The following SLC9A7 variants were observed in gnomAD, a reference collection of about 807,000 sequenced individuals.
The protein encoded by SLC9A7 is solute carrier family 9 member A7.
SLC9A7 carries 19 observed loss-of-function variants against 52.6 expected under a neutral mutation model. That is an observed-to-expected ratio of 0.36 (90% confidence interval 0.25 to 0.53). The LOEUF is 0.53. Ranked by LOEUF, SLC9A7 falls within the 20% of genes least tolerant of loss-of-function variation. The probability of loss-of-function intolerance (pLI) is 0.91; values close to 1 mark genes in which losing one functional copy is unlikely to be tolerated. For missense variants in SLC9A7, 455 were observed against 597.9 expected (o/e 0.76, Z 2.49); for synonymous variants, 226 against 252.1 (o/e 0.90, Z 0.98).
chrX:46,608,049 G>A (rs774366870), intron 16 of SLC9A7, among the ~76,000 whole-genome samples: 2 of 112,202 alleles, frequency 1.8e-5, no homozygotes, highest in Non-Finnish European at 3.8e-5. Flanking sequence ...CTGAAGTCCT[G>A]CATCCTCTTA....
intron 12 of SLC9A7, among the ~76,000 whole-genome samples, chrX:46,641,240 A>G (rs908304215): frequency 6.2e-5 from 7 of 112,272 alleles, no homozygotes; most frequent in African/African-American, 1.6e-4. Flanking sequence ...CTACTCTGCA[A>G]TAAAACAGAA....
At chrX:46,733,486 C>A (rs1305505113) in intron 1 of SLC9A7, among the ~76,000 whole-genome samples, 1 of 111,534 alleles carries the variant, frequency 9.0e-6, no homozygotes, top group Non-Finnish European at 1.9e-5. Context: ...TACATGTATA[C>A]CTTTTTCTCT....
chrX:46,622,354 A>T (rs1187642505), intron 14 of SLC9A7, among the ~76,000 whole-genome samples: 1 of 112,083 alleles, frequency 8.9e-6, no homozygotes, highest in Admixed American at 9.5e-5. Flanking sequence ...CTCTGGGAAG[A>T]TTCCAAAATG....
intron 1 of SLC9A7, among the ~76,000 whole-genome samples, chrX:46,705,329 A>G (rs1185078548): frequency 1.8e-5 from 2 of 112,632 alleles, no homozygotes; most frequent in East Asian, 5.6e-4. Flanking sequence ...GACTTTTAGA[A>G]GATACCATAG....
chrX:46,657,859 G>A (rs1239357893), intron 7 of SLC9A7, among the ~76,000 whole-genome samples: 2 of 104,139 alleles, frequency 1.9e-5, no homozygotes, highest in African/African-American at 7.0e-5. Context: ...ACTCAGCTCT[G>A]CACCAAGCGG....
chrX:46,734,010 T>C lies in SLC9A7; in HGVS notation c.325+24695A>G, dbSNP rs185767059. Among the ~76,000 whole-genome samples, 4 of 112,353 alleles carry C rather than the reference T, an allele frequency of 3.6e-5. No homozygotes were observed. In the East Asian group the frequency reaches 1.1e-3, roughly 31 times the overall value. ...TATGCTATCTAAAAGAGGCACATTTTAGATCAGGGCTTCTCAACCTTAGCA... is the reference window on the plus strand; with the variant it reads ...TATGCTATCTAAAAGAGGCACATTTCAGATCAGGGCTTCTCAACCTTAGCA... On this transcript the variant is annotated intron_variant, in intron 1 of 16. Transcript: ENST00000616978.
chrX:46,606,947 GA>G lies in SLC9A7; in HGVS notation c.*4del, dbSNP rs1942755383. The G allele has an allele frequency of 1.7e-6, 2 of 1,209,277 alleles. No homozygotes were observed. Among genetic ancestry groups the G allele is most frequent in the Admixed American group, 2.2e-5 (1 of 45,685 alleles). ...ACCCCATCGCGCCAGGGCTTGGGGG[GA>G]AAGTCAAGCATTATCTTCCAGGGGA... is the stretch of plus-strand genomic sequence containing the variant. On this transcript the variant is annotated 3_prime_UTR_variant, in exon 17 of 17. Transcript: ENST00000616978.
chrX:46,718,628 T>G (rs2146951785), intron 1 of SLC9A7, among the ~76,000 whole-genome samples: 1 of 111,968 alleles, frequency 8.9e-6, no homozygotes, highest in Non-Finnish European at 1.9e-5. Context: ...CATCAATAAG[T>G]GGGTGAAGGA....
intron 1 of SLC9A7, among the ~76,000 whole-genome samples, chrX:46,689,205 G>GTT (rs1944345544): frequency 8.9e-6 from 1 of 111,833 alleles, no homozygotes; most frequent in African/African-American, 3.2e-5. Context: ...GTTTTGTTTT[G>GTT]TTTTGTTTTT....
chrX:46,612,784 G>A (rs947148188), intron 16 of SLC9A7, among the ~76,000 whole-genome samples: 7 of 108,734 alleles, frequency 6.4e-5, no homozygotes, highest in East Asian at 5.7e-4. Context: ...AAATTAGCCC[G>A]GTGTGGTGGC....
intron 13 of SLC9A7, among the ~76,000 whole-genome samples, chrX:46,634,811 C>T (rs1943293233): frequency 8.9e-6 from 1 of 111,742 alleles, no homozygotes; most frequent in East Asian, 2.8e-4. Flanking sequence ...TCACCACTGC[C>T]CTCAAGGAAG....
intron 13 of SLC9A7, 95 bp from the exon 14 acceptor site, chrX:46,631,744 T>C: frequency 6.2e-6 from 4 of 648,062 alleles, no homozygotes; most frequent in Non-Finnish European, 9.9e-6. Flanking sequence ...TGGAGGCTAA[T>C]CATCTTCCCG....
chrX:46,744,199 T>C (rs371275497), intron 1 of SLC9A7, among the ~76,000 whole-genome samples: 16 of 112,503 alleles, frequency 1.4e-4, no homozygotes, highest in African/African-American at 4.5e-4. Flanking sequence ...GGCACGCCCC[T>C]TTCCTTTAAG....
At chrX:46,745,973 A>G (rs1921735651) in intron 1 of SLC9A7, among the ~76,000 whole-genome samples, 1 of 110,849 alleles carries the variant, frequency 9.0e-6, no homozygotes, top group African/African-American at 3.3e-5. Flanking sequence ...AGAATTCTGA[A>G]GCCAAAAAGT....
chrX:46,602,550 C>T lies in SLC9A7; in HGVS notation c.*4402G>A, dbSNP rs1293855497. On this transcript the variant is annotated 3_prime_UTR_variant, in exon 17 of 17. Coordinates refer to ENST00000616978, the MANE Select transcript of SLC9A7 (RefSeq NM_001257291.2). ...TGAATCTGAATCTCTGAGGGGAGGG[C>T]CCTTGCACTGATTTAAAAACAAAAA... 8.9e-6 allele frequency: 1 copy of T among 111,914 alleles called. No individual in the cohort carries two copies. The highest frequency in any genetic ancestry group is 1.9e-5 in the Non-Finnish European group (1 of 53,196). 9.2% of individuals were successfully genotyped at this position (111,914 alleles called of 1,213,427 possible).
At chrX:46,643,417 T>G (rs1227339880) in intron 11 of SLC9A7, 28 bp from the exon 12 acceptor site, 1 of 1,177,426 alleles carries the variant, frequency 8.5e-7, no homozygotes, top group Non-Finnish European at 1.2e-6. Context: ...GAAGATCTAC[T>G]TATAAGGATT....
At chrX:46,669,768 T>C in intron 4 of SLC9A7, 49 bp from the exon 5 acceptor site, 1 of 629,394 alleles carries the variant, frequency 1.6e-6, no homozygotes, top group Admixed American at 3.2e-5. Context: ...ATAAGTAACT[T>C]AGCAAACACG....
chrX:46,747,671 T>A (rs1602304299), intron 1 of SLC9A7, among the ~76,000 whole-genome samples: 1 of 111,706 alleles, frequency 9.0e-6, no homozygotes, highest in East Asian at 2.8e-4. Flanking sequence ...ATATTCAGAA[T>A]ATATAAAGAA....
intron 1 of SLC9A7, among the ~76,000 whole-genome samples, chrX:46,731,019 G>T (rs1945029466): frequency 9.2e-6 from 1 of 108,791 alleles, no homozygotes; most frequent in Non-Finnish European, 1.9e-5. Flanking sequence ...GAACCAGGAA[G>T]ACTCAGGGGG....
Sources: allele counts gnomAD v4.1 joint callset (sites outside exome capture counted in the v4.1 genomes callset), GRCh38; gene constraint gnomAD v4.1.1; transcripts MANE v1.5; gene names NCBI Gene and HGNC (gene_info 2026-07-23, HGNC 2026-07-21).